The following DTWD1 variants were observed in gnomAD, a reference collection of about 807,000 sequenced individuals.
DTWD1 encodes the protein tRNA-uridine aminocarboxypropyltransferase 1.
DTWD1 carries 27 observed loss-of-function variants against 30.2 expected under a neutral mutation model. The ratio of observed to expected loss-of-function variants is 0.90; its 90% CI spans 0.66 to 1.23. DTWD1 has a LOEUF of 1.23. DTWD1 is among the 50% of genes most tolerant of loss of function. The pLI is 0.00. For synonymous variants in DTWD1, 99 were observed against 113.1 expected (o/e 0.88, Z 0.79); for missense variants, 342 against 348.8 (o/e 0.98, Z 0.15).
At chr15:49,623,314 G>C (rs1386907533) in intron 1 of DTWD1, among the ~76,000 whole-genome samples, 1 of 152,098 alleles carries the variant, frequency 6.6e-6, no homozygotes, top group Non-Finnish European at 1.5e-5. Context: ...GCAACACCAG[G>C]ACAAACCCAA....
In DTWD1 at chr15:49,651,255, G is replaced by C. The variant is rs2079150405; in HGVS notation, c.*7677G>C. The C allele has an allele frequency of 6.6e-6, 1 of 152,130 alleles. No individual in the cohort carries two copies. The highest frequency in any genetic ancestry group is 2.4e-5 in the African/African-American group (1 of 41,446). The allele number at this position is 152,130 out of a possible 1,614,324, so 9.4% of individuals were successfully genotyped here. A position where few individuals can be genotyped will look rare whatever the true frequency, so the allele number is the denominator to read the frequency against. On this transcript the variant is annotated 3_prime_UTR_variant, in exon 5 of 5. Transcript: ENST00000403028. The stretch of plus-strand genomic sequence containing the variant: ...GATCAAGCACAGAAAGTCTAGAATA[G>C]AGGCATGTGAATGGACATACTTGTG...
In DTWD1 at chr15:49,643,205, A is replaced by G. The variant is rs2079085177; in HGVS notation, c.668-126A>G. ...ACTGGGATTGAAGGAAGTTATCTGC[A>G]GTCTTTAAAAAAAAATTCTTAGAAT... On this transcript the variant is annotated intron_variant, in intron 4 of 4. Transcript: ENST00000403028. The G allele has an allele frequency of 1.1e-5, 12 of 1,121,076 alleles. No homozygotes were observed. The Admixed American group carries it at 2.2e-4, about 20-fold the overall frequency. 69.4% of individuals were successfully genotyped at this position (1,121,076 alleles called of 1,614,324 possible). A position where few individuals can be genotyped will look rare whatever the true frequency, so the allele number is the denominator to read the frequency against.
chr15:49,633,912 G>T (rs1163166383), intron 3 of DTWD1, among the ~76,000 whole-genome samples: 1 of 152,092 alleles, frequency 6.6e-6, no homozygotes, highest in African/African-American at 2.4e-5. Context: ...TTCCTGGAAG[G>T]TTAGATTTTT....
intron 2 of DTWD1, chr15:49,626,880 A>T (rs2078851374): frequency 5.9e-6 from 2 of 341,682 alleles, no homozygotes; most frequent in East Asian, 1.5e-4. Flanking sequence ...CTCCGAAAAA[A>T]CAAGAACTTG....
intron 3 of DTWD1, 143 bp downstream of exon 3, chr15:49,632,445 G>A (rs1252958354): frequency 2.1e-5 from 16 of 768,696 alleles, no homozygotes; most frequent in Non-Finnish European, 3.1e-5. Flanking sequence ...ACAATATACA[G>A]TTTATTTCAT....
In DTWD1 at chr15:49,649,224, C is replaced by T. The variant is rs1236511385; in HGVS notation, c.*5646C>T. 3 of 152,140 alleles carry T rather than the reference C, an allele frequency of 2.0e-5. No homozygotes were observed. Among genetic ancestry groups the T allele is most frequent in the Non-Finnish European group, 4.4e-5 (3 of 68,014 alleles). 9.4% of individuals were successfully genotyped at this position (152,140 alleles called of 1,614,324 possible). ...CTTAACAACATTGGAAACTAGAAGA[C>T]ATGGGGTGATGCCTTTAGAACTTTA... On this transcript the variant is annotated 3_prime_UTR_variant, in exon 5 of 5. Transcript: ENST00000403028.
Position 49,647,044 on chromosome 15 carries a change from C to T in DTWD1, c.*3466C>T, listed in dbSNP as rs1472007894. 2 of 152,162 alleles carry T rather than the reference C, an allele frequency of 1.3e-5. No homozygotes were observed. The highest frequency in any genetic ancestry group is 4.8e-5 in the African/African-American group (2 of 41,436). The allele number at this position is 152,162 out of a possible 1,614,324, so 9.4% of individuals were successfully genotyped here. On this transcript the variant is annotated 3_prime_UTR_variant, in exon 5 of 5. Coordinates refer to ENST00000403028, the MANE Select transcript of DTWD1 (RefSeq NM_001144955.2). Reference sequence around the variant, plus strand: ...ACTGGGGTAATAAAGGTCTGGAAGGCTGCAGCAGAAGAGATTTAGAGAAGC... The same window carrying T: ...ACTGGGGTAATAAAGGTCTGGAAGGTTGCAGCAGAAGAGATTTAGAGAAGC...
rs2079134528 is a variant in DTWD1, at chr15:49,648,553, G to T, written c.*4975G>T. The T allele has an allele frequency of 1.3e-5, 2 of 152,184 alleles. No individual in the cohort carries two copies. The highest frequency in any genetic ancestry group is 4.8e-5 in the African/African-American group (2 of 41,444). 9.4% of individuals were successfully genotyped at this position (152,184 alleles called of 1,614,324 possible). A position where few individuals can be genotyped will look rare whatever the true frequency, so the allele number is the denominator to read the frequency against. On this transcript the variant is annotated 3_prime_UTR_variant, in exon 5 of 5. Coordinates refer to ENST00000403028, the MANE Select transcript of DTWD1 (RefSeq NM_001144955.2). ...CCTGACCTCAAGTGATCCTGCCTTTGCTTCCCAAAGTGCTGGGATTAACAG... is the reference window on the plus strand; with the variant it reads ...CCTGACCTCAAGTGATCCTGCCTTTTCTTCCCAAAGTGCTGGGATTAACAG...
At chr15:49,632,009 C>T (rs1247238245) in intron 2 of DTWD1, 150 bp from the exon 3 acceptor site, 2 of 809,454 alleles carry the variant, frequency 2.5e-6, no homozygotes, top group Non-Finnish European at 4.0e-6. Flanking sequence ...TAACAATCAC[C>T]ATTCTTAATA....
chr15:49,625,630 G>A (rs573012925), intron 2 of DTWD1, 199 bp downstream of exon 2: 43 of 567,708 alleles, frequency 7.6e-5, no homozygotes, highest in Middle Eastern at 9.4e-4. Context: ...AGGGTGCTGC[G>A]CCTGATCGCA....
chr15:49,645,023 G>A lies in DTWD1; in HGVS notation c.*1445G>A, dbSNP rs1388556344. ...GACACATGATGTTTTATGGGGGAAA[G>A]AGTTCTTGGTGAAATTAGTTTGCTG... is the stretch of plus-strand genomic sequence containing the variant. On this transcript the variant is annotated 3_prime_UTR_variant, in exon 5 of 5. Transcript: ENST00000403028. 1 of 152,146 alleles carries A rather than the reference G, an allele frequency of 6.6e-6. No individual in the cohort carries two copies. The highest frequency in any genetic ancestry group is 1.5e-5 in the Non-Finnish European group (1 of 68,036). The allele number at this position is 152,146 out of a possible 1,614,324, so 9.4% of individuals were successfully genotyped here. A position where few individuals can be genotyped will look rare whatever the true frequency, so the allele number is the denominator to read the frequency against.
intron 2 of DTWD1, among the ~76,000 whole-genome samples, chr15:49,631,709 C>T (rs750089116): frequency 3.3e-5 from 5 of 151,470 alleles, no homozygotes; most frequent in East Asian, 3.9e-4. Context: ...TGCAGTGAGC[C>T]GAGATCACAC....
chr15:49,634,096 G>T (rs536203753), intron 3 of DTWD1, among the ~76,000 whole-genome samples: 38 of 152,176 alleles, frequency 2.5e-4, no homozygotes, highest in African/African-American at 8.4e-4. Context: ...ATTTAATCCT[G>T]CTCTCAGACC....
rs758688327 is a variant in DTWD1, at chr15:49,625,372, T to A, written c.205T>A (p.Cys69Ser). Reference protein sequence around the residue: ...LKCGGSRMFYCYTCYVPVENV... With the variant: ...LKCGGSRMFYSYTCYVPVENV... ...ATGTGGTGGTTCCAGAATGTTCTAC[T>A]GCTATACATGTTATGTTCCAGTTGA... is the stretch of plus-strand genomic sequence containing the variant. Residue 69 changes from cysteine (C) to serine (S), a missense_variant, in exon 2 of 5, where the codon TGC (cysteine) becomes AGC (serine). Cys to Ser is a moderately radical substitution (Grantham distance 112). Transcript: ENST00000403028. The A allele has an allele frequency of 6.8e-6, 11 of 1,613,804 alleles. No homozygotes were observed. Among genetic ancestry groups the A allele is most frequent in the Non-Finnish European group, 9.3e-6 (11 of 1,179,814 alleles).
At chr15:49,629,114 C>G (rs1598645941) in intron 2 of DTWD1, among the ~76,000 whole-genome samples, 1 of 152,234 alleles carries the variant, frequency 6.6e-6, no homozygotes, top group East Asian at 1.9e-4. Context: ...GTGTGGTCAA[C>G]ACTATTTTGT....
At chr15:49,631,942 A>T (rs1383820120) in intron 2 of DTWD1, 3 of 548,888 alleles carry the variant, frequency 5.5e-6, no homozygotes, top group Non-Finnish European at 6.5e-6. Context: ...ATGAGTTGAA[A>T]ATAGTTGTCC....
chr15:49,625,884 G>GA (rs1453866553), intron 2 of DTWD1, among the ~76,000 whole-genome samples: 4,096 of 152,234 alleles, frequency 0.027, 192 homozygotes, highest in African/African-American at 0.095. Flanking sequence ...AACAAGAGTG[G>GA]GAGGGTTGTT....
intron 4 of DTWD1, among the ~76,000 whole-genome samples, chr15:49,642,950 C>T (rs1249924237): frequency 1.3e-5 from 2 of 151,958 alleles, no homozygotes; most frequent in Middle Eastern, 3.4e-3. Flanking sequence ...GTCAGTTTGT[C>T]AAGGAAATGA....
chr15:49,624,669 C>T (rs1016100488), intron 1 of DTWD1, among the ~76,000 whole-genome samples: 1 of 152,104 alleles, frequency 6.6e-6, no homozygotes, highest in Non-Finnish European at 1.5e-5. Context: ...GACACACTCA[C>T]ACATATGTAG....
Sources: allele counts gnomAD v4.1 joint callset (sites outside exome capture counted in the v4.1 genomes callset), GRCh38; gene constraint gnomAD v4.1.1; transcripts MANE v1.5; gene names NCBI Gene and HGNC (gene_info 2026-07-23, HGNC 2026-07-21).